Variants in IFT81 observed in about 807,000 individuals in gnomAD.
IFT81 encodes intraflagellar transport 81, also known as intraflagellar transport protein 81 homolog.
Under a neutral mutation model 102.6 loss-of-function variants are expected in IFT81, and 72 were observed. The observed-to-expected ratio is 0.70, with a 90% confidence interval of 0.58 to 0.85. The LOEUF is 0.85. Ranked by LOEUF, IFT81 falls within the 40% of genes least tolerant of loss-of-function variation. The pLI is 0.00. For synonymous variants in IFT81, 237 were observed against 242.7 expected (o/e 0.98, Z 0.22); for missense variants, 723 against 787.3 (o/e 0.92, Z 0.98).
intron 10 of IFT81, among the ~76,000 whole-genome samples, chr12:110,148,993 C>T (rs1895376363): frequency 6.6e-6 from 1 of 151,998 alleles, no homozygotes; most frequent in African/African-American, 2.4e-5. Flanking sequence ...ATTATGAATC[C>T]TAGACATTAT....
chr12:110,168,779 A>G (rs969810948), intron 11 of IFT81: 13 of 152,184 alleles, frequency 8.5e-5, no homozygotes, highest in African/African-American at 2.9e-4. Flanking sequence ...TAAATAGTTA[A>G]AGGATTATGG....
At chr12:110,202,504 G>A (rs1898342757) in intron 14 of IFT81, among the ~76,000 whole-genome samples, 2 of 151,238 alleles carry the variant, frequency 1.3e-5, no homozygotes, top group Middle Eastern at 3.5e-3. Context: ...CCAGGCTGGA[G>A]TGCAGTGGTG....
chr12:110,142,349 G>A (rs978971963), intron 8 of IFT81, among the ~76,000 whole-genome samples: 1 of 151,936 alleles, frequency 6.6e-6, no homozygotes, highest in African/African-American at 2.4e-5. Context: ...TGTATTGTTA[G>A]TAGAGACAGG....
intron 5 of IFT81, among the ~76,000 whole-genome samples, chr12:110,133,909 A>G (rs1894329043): frequency 6.6e-6 from 1 of 152,262 alleles, no homozygotes; most frequent in South Asian, 2.1e-4. Context: ...TGCATTAATG[A>G]GAATCTTTAC....
At chr12:110,152,795 A>G (rs1193004771) in intron 10 of IFT81, among the ~76,000 whole-genome samples, 1 of 151,978 alleles carries the variant, frequency 6.6e-6, no homozygotes, top group Non-Finnish European at 1.5e-5. Context: ...GGATCTTCCT[A>G]CAGTGCCCAG....
chr12:110,135,097 C>G, intron 6 of IFT81, 84 bp downstream of exon 6: 1 of 1,060,778 alleles, frequency 9.4e-7, no homozygotes, highest in Non-Finnish European at 1.4e-6. Context: ...AAGATTCAGC[C>G]AAGCATGAGT....
intron 3 of IFT81, 33 bp from the exon 4 acceptor site, chr12:110,128,917 G>A (rs372037814): frequency 1.8e-5 from 28 of 1,551,322 alleles, no homozygotes; most frequent in East Asian, 9.1e-5. Flanking sequence ...CGTTAAGTGC[G>A]TGTGTGTTTG....
Position 110,147,010 on chromosome 12 carries a change from G to A in IFT81, c.1003G>A (p.Glu335Lys). ...QLIEKKMMRN[E>K]PIEGKLSLYR... is the part of the protein sequence containing the mutation. ...GATTGAAAAGAAAATGATGAGAAATGAGCCCATTGAAGGCAAACTCTCACT... is the reference window on the plus strand; with the variant it reads ...GATTGAAAAGAAAATGATGAGAAATAAGCCCATTGAAGGCAAACTCTCACT... The change falls in exon 10 of 19, where the codon GAG becomes AAG. Residue 335 changes from glutamate to lysine, a missense_variant. Coordinates refer to ENST00000242591, the MANE Select transcript of IFT81 (RefSeq NM_014055.4). The A allele has an allele frequency of 1.2e-6, 2 of 1,610,958 alleles. No individual in the cohort carries two copies. Among genetic ancestry groups the A allele is most frequent in the Non-Finnish European group, 1.7e-6 (2 of 1,178,486 alleles).
intron 9 of IFT81, among the ~76,000 whole-genome samples, chr12:110,145,726 C>T (rs371229035): frequency 1.3e-5 from 2 of 151,672 alleles, no homozygotes; most frequent in South Asian, 4.2e-4. Flanking sequence ...TGAGCCACCG[C>T]GCCCAGGCCT....
chr12:110,154,353 G>A (rs546581536), intron 10 of IFT81, among the ~76,000 whole-genome samples: 135 of 151,208 alleles, frequency 8.9e-4, no homozygotes, highest in Middle Eastern at 6.8e-3. Context: ...ATTTTTGGCC[G>A]GGTGCGGTGA....
At position 110,205,626 on chromosome 12, in the gene IFT81, A is replaced by G. The variant is rs1868525581; in HGVS notation, c.1748A>G (p.Asp583Gly). 2.5e-6 allele frequency: 4 copies of G among 1,605,050 alleles called. No homozygotes were observed. The highest frequency in any genetic ancestry group is 3.4e-6 in the Non-Finnish European group (4 of 1,177,554). Reference sequence around the variant, plus strand: ...GAAGTTCAACTTCGTCGTGCTACTGATGAGATGAAGGCATATATCTCTTCT... The same window carrying G: ...GAAGTTCAACTTCGTCGTGCTACTGGTGAGATGAAGGCATATATCTCTTCT... ...NLEVQLRRAT[D>G]EMKAYISSDQ... is the part of the protein sequence containing the mutation. Residue 583 changes from aspartate (D) to glycine (G), a missense_variant, in exon 17 of 19, where the codon GAT becomes GGT. By Grantham distance (94) the Asp-to-Gly change is moderately conservative (BLOSUM62 -1). Coordinates refer to ENST00000242591, the MANE Select transcript of IFT81 (RefSeq NM_014055.4).
rs1452885080 is a variant in IFT81 at position 110,133,800 on chromosome 12, A to T, written c.520-1148A>T. Among the ~76,000 whole-genome samples, 13 of 152,200 alleles carry T rather than the reference A, an allele frequency of 8.5e-5. 1 individual carries two copies. The highest frequency in any genetic ancestry group is 7.9e-4 in the Admixed American group (12 of 15,278). ...ATGACTTTTTCTCATGTCATTAAAC[A>T]TTCTTCTGCATGATTTTTAATGACT... is the stretch of plus-strand genomic sequence containing the variant. On this transcript the variant is annotated intron_variant, in intron 5 of 18. Coordinates refer to ENST00000242591, the MANE Select transcript of IFT81 (RefSeq NM_014055.4).
chr12:110,191,168 CTTTTT>C, intron 13 of IFT81, 120 bp downstream of exon 13: 1 of 623,326 alleles, frequency 1.6e-6, no homozygotes, highest in African/African-American at 2.0e-5. Flanking sequence ...ATTCTTTCAT[CTTTTT>C]TTTTTTTTTC....
chr12:110,218,557 C>G lies in IFT81; in HGVS notation c.*331C>G, dbSNP rs762582719. 1.2e-5 allele frequency: 2 copies of G among 172,408 alleles called. No individual in the cohort carries two copies. Among genetic ancestry groups the G allele is most frequent in the Non-Finnish European group, 2.4e-5 (2 of 81,960 alleles). The allele number at this position is 172,408 out of a possible 1,614,324, so 10.7% of individuals were successfully genotyped here. On this transcript the variant is annotated 3_prime_UTR_variant, in exon 19 of 19. Coordinates refer to ENST00000242591, the MANE Select transcript of IFT81 (RefSeq NM_014055.4). ...TTTTTAGAATGTAATAACCCAGTGG[C>G]TTACTGTTTTTCTTAATCTCTTTTA... is the stretch of plus-strand genomic sequence containing the variant.
rs550038213 is a variant in IFT81 at position 110,161,134 on chromosome 12, C to CTT, written c.1042-1768_1042-1767dup. Among the ~76,000 whole-genome samples, 104 of 132,542 alleles carry CTT rather than the reference C, an allele frequency of 7.8e-4. 1 individual carries two copies. Among genetic ancestry groups the CTT allele is most frequent in the South Asian group, 1.2e-3 (5 of 4,208 alleles). 87.0% of individuals were successfully genotyped at this position (132,542 alleles called of 152,430 possible). A position where few individuals can be genotyped will look rare whatever the true frequency, so the allele number is the denominator to read the frequency against. The stretch of plus-strand genomic sequence containing the variant: ...GCGTTCTATCATTCCTTCTTCACCA[C>CTT]TTTTTTTTTTTTTTTTTTCCTTTTG... On this transcript the variant is annotated intron_variant, in intron 10 of 18. Coordinates refer to ENST00000242591, the MANE Select transcript of IFT81 (RefSeq NM_014055.4).
intron 12 of IFT81, among the ~76,000 whole-genome samples, chr12:110,183,104 TA>T (rs1897377326): frequency 1.3e-5 from 2 of 152,210 alleles, no homozygotes; most frequent in African/African-American, 4.8e-5. Flanking sequence ...TACTGAATTA[TA>T]TGGTCATACG....
In IFT81 at chr12:110,203,969, T is replaced by C. The variant is rs773811333; in HGVS notation, c.1644+19T>C. 38 of 1,553,214 alleles carry C rather than the reference T, an allele frequency of 2.4e-5. No individual in the cohort carries two copies. Among genetic ancestry groups the C allele is most frequent in the Non-Finnish European group, 3.5e-6 (4 of 1,133,926 alleles). Reference sequence around the variant, plus strand: ...AGAACAGGTAAGAAGAGAGTTTTTATTTTAACAATTTAGCAAAAACTACCT... The same window carrying C: ...AGAACAGGTAAGAAGAGAGTTTTTACTTTAACAATTTAGCAAAAACTACCT... On this transcript the variant is annotated intron_variant, in intron 15 of 18. Transcript: ENST00000242591.
At chr12:110,202,144 A>G (rs1024699639) in intron 14 of IFT81, among the ~76,000 whole-genome samples, 1 of 152,190 alleles carries the variant, frequency 6.6e-6, no homozygotes, top group Non-Finnish European at 1.5e-5. Flanking sequence ...CCACAAACAC[A>G]TGAGTAATTT....
chr12:110,164,640 G>C (rs930762793), intron 11 of IFT81, among the ~76,000 whole-genome samples: 7 of 152,088 alleles, frequency 4.6e-5, no homozygotes, highest in African/African-American at 1.7e-4. Context: ...TGGTACTTCA[G>C]GTTGTACCCT....
Sources: gnomAD v4.1 joint callset for allele counts (sites outside exome capture counted in the v4.1 genomes callset) on GRCh38, gnomAD v4.1.1 for gene constraint, MANE v1.5 for transcripts, NCBI Gene and HGNC (gene_info 2026-07-23, HGNC 2026-07-21) for gene names.